Variants in ATG2B observed in about 807,000 individuals in gnomAD.
The protein encoded by ATG2B is autophagy related 2B.
Under a neutral mutation model 241.3 loss-of-function variants are expected in ATG2B, and 121 were observed. The observed-to-expected ratio is 0.50, with a 90% CI of 0.43 to 0.58. The LOEUF (loss-of-function observed/expected upper bound fraction) is 0.58, where lower values mean the gene tolerates loss of function less well. Among genes scored for constraint, ATG2B ranks in the 20% least tolerant of loss-of-function variants. The pLI is 0.00. For missense variants in ATG2B, 2,306 were observed against 2,491.6 expected, an observed-to-expected ratio of 0.93 and a Z score of 1.59; for synonymous variants, 858 against 876.6, an observed-to-expected ratio of 0.98 and a Z score of 0.37.
At chr14:96,299,670 CACCAG>C in intron 34 of ATG2B, among the ~76,000 whole-genome samples, 1 of 152,190 alleles carries the variant, frequency 6.6e-6, no homozygotes, top group East Asian at 1.9e-4. Context: ...TCCACTTATC[CACCAG>C]ATGGAACTCA....
In ATG2B at chr14:96,289,650, A is replaced by T; in HGVS notation, c.6006+6T>A. On this transcript the variant is annotated splice_donor_region_variant and intron_variant, in intron 41 of 41. Coordinates refer to ENST00000359933, the MANE Select transcript of ATG2B (RefSeq NM_018036.7). This position sits in a 1 kb window ranked among gnomAD's most constrained non-coding sequence, Gnocchi z 4.3. ...TTCTGATGTGTCCACCCAAGTATTC[A>T]GTTACCTCTTTCACAACACTGTAGG... 2 of 1,614,012 alleles carry T rather than the reference A, an allele frequency of 1.2e-6. No individual in the cohort carries two copies. Among genetic ancestry groups the T allele is most frequent in the Non-Finnish European group, 1.7e-6 (2 of 1,179,932 alleles).
Position 96,322,206 on chromosome 14 carries a change from C to A in ATG2B, c.2785G>T (p.Ala929Ser). 6.3e-7 allele frequency: 1 copy of A among 1,598,646 alleles called. No individual in the cohort carries two copies. The highest frequency in any genetic ancestry group is 1.7e-4 in the Middle Eastern group (1 of 6,012). ...AGCACATAGTGAGAATTGCTGATTG[C>A]TTTATCCTGAAATTCTGTCATTTCT... The part of the protein sequence containing the change: ...PVEMTEFQDK[A>S]ISNSHYVLEL... Residue 929 changes from alanine to serine, a missense_variant, in exon 18 of 42, where the codon GCA (alanine) becomes TCA (serine). By Grantham distance (99) the Ala-to-Ser change is moderately conservative. Transcript: ENST00000359933.
intron 10 of ATG2B, 66 bp downstream of exon 10, chr14:96,332,238 GC>G (rs1887755650): frequency 8.3e-7 from 1 of 1,203,816 alleles, no homozygotes; most frequent in African/African-American, 1.6e-5. Flanking sequence ...AGAAAGAAAA[GC>G]ACCAGTAGAA....
chr14:96,361,824 A>G (rs1222741354), intron 1 of ATG2B, among the ~76,000 whole-genome samples: 2 of 152,158 alleles, frequency 1.3e-5, no homozygotes. Context: ...TGTCAGGTAC[A>G]TACTGATAAA....
Position 96,302,087 on chromosome 14 carries a change from C to T in ATG2B, c.5059G>A (p.Val1687Met), listed in dbSNP as rs146815375. ...SNMLTVKALH[V>M]CPESGRSPQE... ...GGGGACCTGCCAGATTCTGGACACA[C>T]GTGTAAGGCTTTCACTGTCAACTAC... The change falls in exon 34 of 42, where the codon GTG becomes ATG. Residue 1687 changes from valine (V) to methionine (M), a missense_variant. Val to Met is a conservative substitution (Grantham distance 21, BLOSUM62 1). Transcript: ENST00000359933. 8.7e-5 allele frequency: 140 copies of T among 1,613,294 alleles called. No homozygotes were observed. Among genetic ancestry groups the T allele is most frequent in the Admixed American group, 8.3e-5 (5 of 59,932 alleles).
chr14:96,352,193 C>G (rs895156409), intron 1 of ATG2B, among the ~76,000 whole-genome samples: 1 of 152,172 alleles, frequency 6.6e-6, no homozygotes, highest in Non-Finnish European at 1.5e-5. Context: ...TAGCACAACA[C>G]ATTACTCACA....
chr14:96,299,978 C>T (rs1264309024), intron 34 of ATG2B, among the ~76,000 whole-genome samples: 1 of 152,174 alleles, frequency 6.6e-6, no homozygotes, highest in Non-Finnish European at 1.5e-5. Flanking sequence ...GTATAGCAAT[C>T]TTAAAAGAGG....
Position 96,332,419 on chromosome 14 carries a change from G to T in ATG2B, c.1363-9C>A, listed in dbSNP as rs1244383826. The T allele has an allele frequency of 1.1e-5, 17 of 1,613,080 alleles. No homozygotes were observed. The highest frequency in any genetic ancestry group is 1.4e-5 in the Non-Finnish European group (17 of 1,179,412). On this transcript the variant is annotated splice_polypyrimidine_tract_variant and intron_variant, in intron 9 of 41. Coordinates refer to ENST00000359933, the MANE Select transcript of ATG2B (RefSeq NM_018036.7). ...CCCCAAGTGGGCTGAAGCTATAAAA[G>T]ATTTTTTTTAAGCACATGAATGAAG...
In ATG2B at chr14:96,283,942, C is replaced by T. The variant is rs574815377; in HGVS notation, c.*1813G>A. On this transcript the variant is annotated 3_prime_UTR_variant, in exon 42 of 42. Transcript: ENST00000359933. ...TGTAAACTTAATTTGTTTGCAACTC[C>T]GGGTGCAAAGAAGAGAATAATTATT... 9.9e-5 allele frequency: 15 copies of T among 152,192 alleles called. No individual in the cohort carries two copies. The highest frequency in any genetic ancestry group is 5.9e-4 in the Admixed American group (9 of 15,290). The allele number at this position is 152,192 out of a possible 1,614,324, so 9.4% of individuals were successfully genotyped here.
At chr14:96,325,551 C>CTATATT (rs1342949627) in intron 15 of ATG2B, 98 bp downstream of exon 15, 2 of 1,086,882 alleles carry the variant, frequency 1.8e-6, no homozygotes, top group African/African-American at 1.6e-5. Flanking sequence ...TTTAATTGTA[C>CTATATT]TATATTGCAG....
chr14:96,328,069 C>A (rs554209214), intron 14 of ATG2B, among the ~76,000 whole-genome samples: 1 of 151,996 alleles, frequency 6.6e-6, no homozygotes, highest in South Asian at 2.1e-4. Flanking sequence ...CCCACCTCAG[C>A]CTCCTAAAGT....
At chr14:96,287,269 AAAAAC>A (rs1210446977) in intron 41 of ATG2B, among the ~76,000 whole-genome samples, 8 of 151,660 alleles carry the variant, frequency 5.3e-5, no homozygotes, top group African/African-American at 1.9e-4. Flanking sequence ...AAAAAAAAAA[AAAAAC>A]GTGTCCAGAA....
rs75554325 is a variant in ATG2B, at chr14:96,324,315, C to A, written c.2438-317G>T. On this transcript the variant is annotated intron_variant, in intron 15 of 41. Transcript: ENST00000359933. ...TATTTCTTCATAAAGTCTATATAAT[C>A]TACCACTAGAAAAATAACTACATTT... 1,002 of 222,720 alleles carry A rather than the reference C, an allele frequency of 4.5e-3. 12 individuals carry two copies. Among genetic ancestry groups the A allele is most frequent in the African/African-American group, 0.022 (947 of 43,194 alleles). 13.8% of individuals were successfully genotyped at this position (222,720 alleles called of 1,614,324 possible).
chr14:96,302,163 C>A, intron 33 of ATG2B, 55 bp from the exon 34 acceptor site: 2 of 1,097,904 alleles, frequency 1.8e-6, no homozygotes, highest in Non-Finnish European at 2.7e-6. Flanking sequence ...TGACCTTCTT[C>A]TCTTTAAAAA....
Position 96,282,448 on chromosome 14 carries a change from CCA to C in ATG2B, c.*3305_*3306del, listed in dbSNP as rs1383651115. On this transcript the variant is annotated 3_prime_UTR_variant, in exon 42 of 42. Transcript: ENST00000359933. ...AGTGCTCGTTAGAGCCCACCATGCC[CCA>C]CAGTTCTGAGGATGCGGGTGCGAGG... 1 of 152,258 alleles carries C rather than the reference CCA, an allele frequency of 6.6e-6. No homozygotes were observed. Among genetic ancestry groups the C allele is most frequent in the Non-Finnish European group, 1.5e-5 (1 of 68,070 alleles). 9.4% of individuals were successfully genotyped at this position (152,258 alleles called of 1,614,324 possible).
At chr14:96,297,068 T>A (rs575160091) in intron 34 of ATG2B, among the ~76,000 whole-genome samples, 1 of 152,190 alleles carries the variant, frequency 6.6e-6, no homozygotes, top group Non-Finnish European at 1.5e-5. Context: ...CATTATATTG[T>A]TATGCTTTAC....
rs540693714 is a variant in ATG2B, at chr14:96,328,294, C to A, written c.2163+53G>T. 2.1e-5 allele frequency: 27 copies of A among 1,276,668 alleles called. No individual in the cohort carries two copies. The African/African-American group carries it at 3.8e-4, about 18-fold the overall frequency. The allele number at this position is 1,276,668 out of a possible 1,614,324, so 79.1% of individuals were successfully genotyped here. On this transcript the variant is annotated intron_variant, in intron 14 of 41. Transcript: ENST00000359933. ...TTAAGTTCAGAAATTATCTCAATAA[C>A]CCTATTAGCTAACCATAATTATGAT...
chr14:96,350,495 T>C (rs559613632), intron 1 of ATG2B, among the ~76,000 whole-genome samples: 2 of 152,318 alleles, frequency 1.3e-5, no homozygotes, highest in African/African-American at 4.8e-5. Flanking sequence ...AGTGATCCCA[T>C]TAACTGCAAT....
At chr14:96,322,310 A>G in intron 17 of ATG2B, 56 bp from the exon 18 acceptor site, 1 of 1,552,934 alleles carries the variant, frequency 6.4e-7, no homozygotes, top group Non-Finnish European at 8.7e-7. Flanking sequence ...AAATAGTAGT[A>G]GCATCTTCTT....
Sources: gnomAD v4.1 joint callset for allele counts (sites outside exome capture counted in the v4.1 genomes callset) on GRCh38, gnomAD v4.1.1 for gene constraint, Gnocchi (gnomAD v3.1) non-coding constraint, MANE v1.5 for transcripts, NCBI Gene and HGNC (gene_info 2026-07-23, HGNC 2026-07-21) for gene names.